Variants in CDH12 observed in about 807,000 individuals in gnomAD.
CDH12 encodes the protein cadherin-12.
Under a neutral mutation model 74.1 loss-of-function variants are expected in CDH12, and 41 were observed. The ratio of observed to expected loss-of-function variants is 0.55; its 90% CI spans 0.43 to 0.72. The LOEUF is 0.72. Ranked by LOEUF, CDH12 falls within the 30% of genes least tolerant of loss-of-function variation. The probability of loss-of-function intolerance (pLI) is 0.00; values close to 1 mark genes in which losing one functional copy is unlikely to be tolerated. For synonymous variants in CDH12, 399 were observed against 355.0 expected, an observed-to-expected ratio of 1.12 and a Z score of -1.39; for missense variants, 945 against 977.2, an observed-to-expected ratio of 0.97 and a Z score of 0.44.
intron 2 of CDH12, among the ~76,000 whole-genome samples, chr5:22,480,868 A>C (rs1746360170): frequency 6.6e-6 from 1 of 152,222 alleles, no homozygotes; most frequent in Non-Finnish European, 1.5e-5. Context: ...CAGTATTTGC[A>C]ATGCTCACGC....
At chr5:22,526,371 A>C (rs1204757688) in intron 1 of CDH12, among the ~76,000 whole-genome samples, 2 of 152,162 alleles carry the variant, frequency 1.3e-5, no homozygotes, top group East Asian at 1.9e-4. Flanking sequence ...ATATTTCTGC[A>C]TATTAAATTA....
chr5:22,641,542 C>T (rs1280361073), intron 1 of CDH12, among the ~76,000 whole-genome samples: 1 of 152,030 alleles, frequency 6.6e-6, no homozygotes, highest in Non-Finnish European at 1.5e-5. Flanking sequence ...TTTACCGGTT[C>T]GCTAGCTATT....
intron 6 of CDH12, among the ~76,000 whole-genome samples, chr5:21,872,728 T>C (rs143014134): frequency 3.9e-5 from 6 of 152,144 alleles, no homozygotes; most frequent in African/African-American, 1.4e-4. Context: ...ACACCCTACA[T>C]ACCTAACATT....
chr5:22,117,511 TAA>T (rs1491481610), intron 4 of CDH12, among the ~76,000 whole-genome samples: 2 of 50,480 alleles, frequency 4.0e-5, no homozygotes, highest in South Asian at 5.9e-4. Flanking sequence ...AATATATATA[TAA>T]TATATATATA....
At chr5:22,198,589 G>A (rs1580390233) in intron 4 of CDH12, among the ~76,000 whole-genome samples, 1 of 152,110 alleles carries the variant, frequency 6.6e-6, no homozygotes, top group African/African-American at 2.4e-5. Flanking sequence ...GTCAGATTGA[G>A]ATGAGTAACT....
intron 3 of CDH12, among the ~76,000 whole-genome samples, chr5:22,373,197 G>A (rs551381023): frequency 1.3e-5 from 2 of 152,254 alleles, no homozygotes; most frequent in South Asian, 4.1e-4. Flanking sequence ...CACCTCTGCT[G>A]GCCCCAAGCC....
intron 3 of CDH12, among the ~76,000 whole-genome samples, chr5:22,225,559 T>C (rs1752166714): frequency 6.6e-6 from 1 of 152,138 alleles, no homozygotes; most frequent in African/African-American, 2.4e-5. Context: ...CGTTTATTGA[T>C]GAAACATTTT....
chr5:22,609,901 T>C (rs1007205329), intron 1 of CDH12, among the ~76,000 whole-genome samples: 6 of 152,202 alleles, frequency 3.9e-5, no homozygotes, highest in Non-Finnish European at 8.8e-5. Flanking sequence ...CCCATGCTAG[T>C]GTATAAGCTG....
In CDH12 at chr5:21,934,025, T is replaced by C. The variant is rs145358293; in HGVS notation, c.526+41066A>G. Among the ~76,000 whole-genome samples the C allele has an allele frequency of 1.3e-4, 20 of 152,326 alleles. No homozygotes were observed. In the East Asian group the frequency reaches 3.7e-3, roughly 28 times the overall value. ...TGCTTGAAAACAGCAAATTGTGTCA[T>C]TGGGTATTTTTCTTTGGAGAACATG... On this transcript the variant is annotated intron_variant, in intron 6 of 14. Coordinates refer to ENST00000382254, the MANE Select transcript of CDH12 (RefSeq NM_004061.5).
chr5:22,182,822 T>C (rs1038850161), intron 4 of CDH12, among the ~76,000 whole-genome samples: 11 of 151,714 alleles, frequency 7.3e-5, no homozygotes, highest in Non-Finnish European at 2.9e-5. Flanking sequence ...ATCAACACTA[T>C]AAGTTCTAAT....
intron 3 of CDH12, among the ~76,000 whole-genome samples, chr5:22,396,741 G>C (rs961060392): frequency 2.0e-5 from 3 of 152,076 alleles, no homozygotes; most frequent in South Asian, 4.1e-4. Flanking sequence ...AAATCTCACA[G>C]TTGGAGGAAG....
chr5:22,070,047 A>G (rs897444065), intron 5 of CDH12, among the ~76,000 whole-genome samples: 1 of 152,190 alleles, frequency 6.6e-6, no homozygotes, highest in East Asian at 1.9e-4. Flanking sequence ...GAGGGCTATA[A>G]TCATTACAAG....
intron 2 of CDH12, among the ~76,000 whole-genome samples, chr5:22,444,009 C>T (rs1246079099): frequency 1.3e-5 from 2 of 151,864 alleles, no homozygotes; most frequent in Admixed American, 6.6e-5. Context: ...AGAAGAGCAA[C>T]AATAGGATTG....
At chr5:22,403,818 C>T (rs3105813) in intron 3 of CDH12, among the ~76,000 whole-genome samples, 128,279 of 152,098 alleles carry the variant, frequency 0.84, 54,161 homozygotes, top group African/African-American at 0.87. Context: ...ATATCTGCAA[C>T]TGCACTGAGT....
chr5:22,648,791 T>G (rs2126880662), intron 1 of CDH12, among the ~76,000 whole-genome samples: 1 of 151,872 alleles, frequency 6.6e-6, no homozygotes, highest in African/African-American at 2.4e-5. Flanking sequence ...TCTTAACAAC[T>G]TTTTTTCACC....
At chr5:22,340,029 T>G (rs2150453676) in intron 3 of CDH12, among the ~76,000 whole-genome samples, 1 of 152,350 alleles carries the variant, frequency 6.6e-6, no homozygotes, top group East Asian at 1.9e-4. Context: ...TTTTAAACAC[T>G]TACAAGACGG....
At chr5:21,949,508 C>T (rs912806572) in intron 6 of CDH12, among the ~76,000 whole-genome samples, 54 of 151,178 alleles carry the variant, frequency 3.6e-4, no homozygotes, top group African/African-American at 7.8e-4. Context: ...TGGTCCTTCA[C>T]GAGGCATTTC....
At chr5:21,820,282 T>C (rs1748294282) in intron 8 of CDH12, among the ~76,000 whole-genome samples, 1 of 151,990 alleles carries the variant, frequency 6.6e-6, no homozygotes, top group Admixed American at 6.6e-5. Flanking sequence ...TCAATTTAAG[T>C]TAAATAGGGT....
At chr5:22,468,548 T>G (rs1181501454) in intron 2 of CDH12, among the ~76,000 whole-genome samples, 1 of 152,138 alleles carries the variant, frequency 6.6e-6, no homozygotes, top group African/African-American at 2.4e-5. Flanking sequence ...GTCCCCTTCT[T>G]GAGAATAGCA....
Sources: gnomAD v4.1 joint callset for allele counts (sites outside exome capture counted in the v4.1 genomes callset) on GRCh38, gnomAD v4.1.1 for gene constraint, MANE v1.5 for transcripts, NCBI Gene and HGNC (gene_info 2026-07-23, HGNC 2026-07-21) for gene names.